The following SMOC2 variants were observed in gnomAD, a reference collection of about 807,000 sequenced individuals.
SMOC2 encodes SPARC-related modular calcium-binding protein 2.
SMOC2 carries 39 observed loss-of-function variants against 61.4 expected under a neutral mutation model. The ratio of observed to expected loss-of-function variants is 0.64; its 90% CI spans 0.49 to 0.83. SMOC2 has a LOEUF of 0.83. SMOC2 is among the 40% of genes least tolerant of loss of function. The pLI, the probability that SMOC2 is intolerant of heterozygous loss-of-function variation, is 0.00. For synonymous variants in SMOC2, 247 were observed against 239.9 expected (o/e 1.03, Z -0.27); for missense variants, 556 against 592.9 (o/e 0.94, Z 0.65).
At position 168,650,728 on chromosome 6, in the gene SMOC2, G is replaced by C. The variant is rs921951281; in HGVS notation, c.955G>C (p.Ala319Pro). 2 of 1,613,706 alleles carry C rather than the reference G, an allele frequency of 1.2e-6. No individual in the cohort carries two copies. The highest frequency in any genetic ancestry group is 4.5e-5 in the East Asian group (2 of 44,878). ...KHEFLTSVLD[A>P]LSTDMVHAAS... ...TGAGTTTCTGACCAGCGTTCTGGAC[G>C]CGCTGTCCACGGACATGGTCCACGC... is the stretch of plus-strand genomic sequence containing the variant. Residue 319 changes from alanine to proline, a missense_variant, in exon 10 of 13, where the codon GCG (alanine) becomes CCG (proline). Coordinates refer to ENST00000356284, the MANE Select transcript of SMOC2 (RefSeq NM_001166412.2).
At chr6:168,575,423 C>T (rs533934911) in intron 7 of SMOC2, among the ~76,000 whole-genome samples, 13 of 152,184 alleles carry the variant, frequency 8.5e-5, no homozygotes, top group East Asian at 1.9e-4. Context: ...GCATAGATAG[C>T]GCTTTACTGT....
At chr6:168,542,861 A>AG (rs1562337822) in intron 4 of SMOC2, among the ~76,000 whole-genome samples, 3 of 152,348 alleles carry the variant, frequency 2.0e-5, no homozygotes, top group Admixed American at 6.5e-5. Flanking sequence ...TGAAAAAAAA[A>AG]GAAAACAAAA....
chr6:168,607,426 C>T (rs2115201503), intron 8 of SMOC2, among the ~76,000 whole-genome samples: 1 of 152,272 alleles, frequency 6.6e-6, no homozygotes, highest in South Asian at 2.1e-4. Flanking sequence ...GGACAGGCAC[C>T]CTGGTTCCCA....
intron 12 of SMOC2, 132 bp downstream of exon 12, chr6:168,664,243 G>A: frequency 1.3e-6 from 1 of 794,786 alleles, no homozygotes; most frequent in South Asian, 1.5e-5. Context: ...TTCAAGGGAG[G>A]CAAGCTTACT....
intron 1 of SMOC2, among the ~76,000 whole-genome samples, chr6:168,481,693 T>G (rs913280131): frequency 6.6e-6 from 1 of 151,886 alleles, no homozygotes; most frequent in Non-Finnish European, 1.5e-5. Flanking sequence ...TAAATGTAAA[T>G]AGATTAATCT....
At chr6:168,649,686 G>A (rs1226359740) in intron 9 of SMOC2, among the ~76,000 whole-genome samples, 1 of 152,180 alleles carries the variant, frequency 6.6e-6, no homozygotes, top group East Asian at 1.9e-4. Flanking sequence ...TAAACCCGCC[G>A]ATCTCATCGG....
intron 1 of SMOC2, among the ~76,000 whole-genome samples, chr6:168,467,136 A>AACACACACACACACACACACACAC (rs10536582): frequency 1.5e-5 from 2 of 133,332 alleles, no homozygotes; most frequent in Non-Finnish European, 3.2e-5. Context: ...AGTGCTCTCA[A>AACACACACACACACACACACACAC]ACACACACAC....
chr6:168,509,163 CTG>C (rs1317270501), intron 1 of SMOC2, among the ~76,000 whole-genome samples: 1 of 152,050 alleles, frequency 6.6e-6, no homozygotes, highest in Non-Finnish European at 1.5e-5. Flanking sequence ...GCTCCGAAGT[CTG>C]TGTCAAGCTG....
intron 1 of SMOC2, among the ~76,000 whole-genome samples, chr6:168,469,655 C>T (rs754525088): frequency 6.4e-4 from 97 of 152,190 alleles, no homozygotes; most frequent in Non-Finnish European, 6.8e-4. Flanking sequence ...CAGAGCTGCT[C>T]GGAGCCGATG....
intron 2 of SMOC2, 77 bp from the exon 3 acceptor site, chr6:168,526,269 C>T: frequency 7.4e-7 from 1 of 1,355,630 alleles, no homozygotes. Context: ...CATGCCTTCA[C>T]ATCTTTCAAT....
At chr6:168,508,087 T>C (rs1311075457) in intron 1 of SMOC2, among the ~76,000 whole-genome samples, 1 of 151,894 alleles carries the variant, frequency 6.6e-6, no homozygotes, top group Non-Finnish European at 1.5e-5. Context: ...GGTCTGGGGC[T>C]CCCCACGGGC....
rs140381948 is a variant in SMOC2, at chr6:168,547,532, A to G, written c.562+363A>G. 1.4e-4 allele frequency among the ~76,000 whole-genome samples: 22 copies of G among 152,188 alleles called. No individual in the cohort carries two copies. The East Asian group carries it at 3.7e-3, about 25-fold the overall frequency. On this transcript the variant is annotated intron_variant, in intron 6 of 12. Transcript: ENST00000356284. Reference sequence around the variant, plus strand: ...GAGGAATCTAGTTAGTGATGAAATGACAATGGATGGCATACCACACATCCA... The same window carrying G: ...GAGGAATCTAGTTAGTGATGAAATGGCAATGGATGGCATACCACACATCCA...
intron 9 of SMOC2, among the ~76,000 whole-genome samples, chr6:168,637,476 C>T (rs1213403684): frequency 6.6e-6 from 1 of 152,200 alleles, no homozygotes; most frequent in African/African-American, 2.4e-5. Context: ...CTACTCCTTG[C>T]GTCTTCTTAC....
intron 9 of SMOC2, among the ~76,000 whole-genome samples, chr6:168,617,471 C>T (rs931828329): frequency 1.3e-5 from 2 of 152,120 alleles, no homozygotes; most frequent in African/African-American, 2.4e-5. Context: ...GAAGACGGGG[C>T]AGGAAGCTGG....
chr6:168,609,697 C>T (rs1785804511), intron 9 of SMOC2, among the ~76,000 whole-genome samples: 1 of 152,208 alleles, frequency 6.6e-6, no homozygotes, highest in African/African-American at 2.4e-5. Flanking sequence ...CACATGCTTG[C>T]TGCATGGAAA....
intron 1 of SMOC2, among the ~76,000 whole-genome samples, chr6:168,456,084 G>A (rs984418199): frequency 3.1e-4 from 47 of 152,372 alleles, no homozygotes; most frequent in African/African-American, 1.0e-3. Flanking sequence ...TGGGCGTGGG[G>A]GCACGGGCCT....
intron 7 of SMOC2, among the ~76,000 whole-genome samples, chr6:168,568,216 G>C (rs1332716490): frequency 6.6e-6 from 1 of 152,142 alleles, no homozygotes; most frequent in Non-Finnish European, 1.5e-5. Flanking sequence ...AGACCGGATG[G>C]TGTGAGTCGG....
intron 9 of SMOC2, among the ~76,000 whole-genome samples, chr6:168,620,484 A>G (rs192437658): frequency 6.6e-6 from 1 of 152,358 alleles, no homozygotes; most frequent in East Asian, 1.9e-4. Flanking sequence ...CTTGAACAAG[A>G]AAGCCACCTT....
At chr6:168,567,084 A>AT (rs1562352464) in intron 7 of SMOC2, among the ~76,000 whole-genome samples, 2 of 151,982 alleles carry the variant, frequency 1.3e-5, no homozygotes, top group South Asian at 2.1e-4. Context: ...ACTAAAAGGC[A>AT]TTTTTTCTCT....
Sources: allele counts gnomAD v4.1 joint callset (sites outside exome capture counted in the v4.1 genomes callset), GRCh38; gene constraint gnomAD v4.1.1; transcripts MANE v1.5; gene names NCBI Gene and HGNC (gene_info 2026-07-23, HGNC 2026-07-21).